Variants in CACNA1D observed in about 807,000 individuals in gnomAD.
The protein encoded by CACNA1D is calcium voltage-gated channel subunit alpha1 D.
CACNA1D carries 55 observed loss-of-function variants against 257.1 expected under a neutral mutation model. The observed-to-expected ratio is 0.21, with a 90% CI of 0.17 to 0.27. The LOEUF is 0.27. CACNA1D is among the 10% of genes least tolerant of loss of function. The pLI, the probability that CACNA1D is intolerant of heterozygous loss-of-function variation, is 1.00. For synonymous variants in CACNA1D, 980 were observed against 1,014.9 expected (o/e 0.97, Z 0.65); for missense variants, 1,876 against 2,784.0 (o/e 0.67, Z 7.34).
chr3:53,783,572 G>A (rs1177857280), intron 39 of CACNA1D, among the ~76,000 whole-genome samples: 1 of 152,204 alleles, frequency 6.6e-6, no homozygotes, highest in African/African-American at 2.4e-5. Flanking sequence ...GGCTTTGCAA[G>A]CTCCCTGCCT....
At chr3:53,561,470 C>T (rs1482842248) in intron 3 of CACNA1D, among the ~76,000 whole-genome samples, 1 of 152,156 alleles carries the variant, frequency 6.6e-6, no homozygotes, top group Non-Finnish European at 1.5e-5. Flanking sequence ...TGTCAGTGAG[C>T]ATCCTAATCA....
At chr3:53,778,776 AGAG>A (rs1242175694) in intron 37 of CACNA1D, among the ~76,000 whole-genome samples, 2 of 152,202 alleles carry the variant, frequency 1.3e-5, no homozygotes, top group Admixed American at 6.5e-5. Context: ...AGGATATAGA[AGAG>A]GAGTGGGGAG....
chr3:53,796,714 T>G (rs2095509159), intron 40 of CACNA1D, among the ~76,000 whole-genome samples: 1 of 152,234 alleles, frequency 6.6e-6, no homozygotes, highest in South Asian at 2.1e-4. Flanking sequence ...TGTCTAAAAT[T>G]TTAAGCAGCA....
intron 30 of CACNA1D, among the ~76,000 whole-genome samples, chr3:53,768,880 C>T (rs772977524): frequency 2.0e-5 from 3 of 152,318 alleles, no homozygotes; most frequent in Non-Finnish European, 2.9e-5. Flanking sequence ...GACGTGCACA[C>T]ATGTCCCTTA....
At chr3:53,602,683 T>G (rs1173844033) in intron 3 of CACNA1D, among the ~76,000 whole-genome samples, 4 of 152,242 alleles carry the variant, frequency 2.6e-5, no homozygotes, top group African/African-American at 9.6e-5. Context: ...TGGTTTTGAT[T>G]TGCATTTCTC....
chr3:53,790,606 G>A (rs2095478290), intron 40 of CACNA1D, among the ~76,000 whole-genome samples: 1 of 152,222 alleles, frequency 6.6e-6, no homozygotes, highest in Non-Finnish European at 1.5e-5. Context: ...AGGTTGTTAG[G>A]TTGAATAATT....
At chr3:53,618,281 C>G (rs910702899) in intron 3 of CACNA1D, among the ~76,000 whole-genome samples, 2 of 152,168 alleles carry the variant, frequency 1.3e-5, no homozygotes, top group Non-Finnish European at 2.9e-5. Flanking sequence ...CAGGTGCTGG[C>G]AGTGCTGCAG....
At chr3:53,521,560 T>C (rs2091576622) in intron 3 of CACNA1D, among the ~76,000 whole-genome samples, 2 of 152,264 alleles carry the variant, frequency 1.3e-5, no homozygotes, top group South Asian at 4.1e-4. Context: ...TCTCTGGACT[T>C]TCACCTTGGG....
chr3:53,769,903 G>A, intron 30 of CACNA1D, 70 bp from the exon 31 acceptor site: 1 of 1,192,246 alleles, frequency 8.4e-7, no homozygotes, highest in Non-Finnish European at 1.3e-6. Context: ...TTTAAAGGGG[G>A]AAATGCTCTC....
chr3:53,778,504 G>C (rs957762373), intron 37 of CACNA1D, among the ~76,000 whole-genome samples: 1 of 152,176 alleles, frequency 6.6e-6, no homozygotes, highest in African/African-American at 2.4e-5. Context: ...TCATCAATAT[G>C]GAAGAGAAAG....
Position 53,804,963 on chromosome 3 carries a change from C to T in CACNA1D, c.5586-20C>T. Reference sequence around the variant, plus strand: ...GAGCTTGTTACCTAGAACCTTACTGCCCTCCTCTCTGACCTCCAGGCAAAA... The same window carrying T: ...GAGCTTGTTACCTAGAACCTTACTGTCCTCCTCTCTGACCTCCAGGCAAAA... On this transcript the variant is annotated intron_variant, in intron 44 of 47. Coordinates refer to ENST00000350061, the MANE Select transcript of CACNA1D (RefSeq NM_001128840.3). 6.2e-7 allele frequency: 1 copy of T among 1,612,808 alleles called. No individual in the cohort carries two copies. The highest frequency in any genetic ancestry group is 8.5e-7 in the Non-Finnish European group (1 of 1,178,836).
In CACNA1D at chr3:53,749,311, C is replaced by A; in HGVS notation, c.3358C>A (p.Pro1120Thr). ...CGACTCGAATGGAGAGAACATCGGC[C>A]CAATCTACAACCACCGCGTGGAGAT... ...AIDSNGENIG[P>T]IYNHRVEISI... The change falls in exon 27 of 48, where the codon CCA becomes ACA. Residue 1120 changes from proline to threonine, a missense_variant. Physicochemically the swap from Pro to Thr is conservative, Grantham distance 38. This residue lies in a region of CACNA1D where 271 missense variants were observed against 425.5 expected (regional missense o/e 0.64). Transcript: ENST00000350061. 1 of 1,613,952 alleles carries A rather than the reference C, an allele frequency of 6.2e-7. No homozygotes were observed. The highest frequency in any genetic ancestry group is 1.1e-5 in the South Asian group (1 of 91,068).
At chr3:53,668,878 T>C (rs2094295229) in intron 7 of CACNA1D, among the ~76,000 whole-genome samples, 3 of 152,212 alleles carry the variant, frequency 2.0e-5, no homozygotes, top group Admixed American at 6.5e-5. Context: ...TCATGAAATA[T>C]TTTGCTTTTG....
At chr3:53,695,476 T>G (rs377311189) in intron 8 of CACNA1D, among the ~76,000 whole-genome samples, 1 of 152,108 alleles carries the variant, frequency 6.6e-6, no homozygotes, top group African/African-American at 2.4e-5. Flanking sequence ...CCTTCTTCCC[T>G]GAACAGGTGG....
intron 3 of CACNA1D, among the ~76,000 whole-genome samples, chr3:53,593,839 G>A (rs2093338711): frequency 6.6e-6 from 1 of 152,190 alleles, no homozygotes; most frequent in South Asian, 2.1e-4. Flanking sequence ...GGGAAATGTG[G>A]CCCGTGTACT....
In CACNA1D at chr3:53,800,930, A is replaced by G; in HGVS notation, c.5041-128A>G. On this transcript the variant is annotated intron_variant, in intron 41 of 47. Coordinates refer to ENST00000350061, the MANE Select transcript of CACNA1D (RefSeq NM_001128840.3). This position sits in a 1 kb window ranked among gnomAD's most constrained non-coding sequence, Gnocchi z 4.3. ...TCACCCTGATCATTGAGACACTCAG[A>G]TTGTTTTACAGGGATCCTACGGAGC... is the stretch of plus-strand genomic sequence containing the variant. The G allele has an allele frequency of 2.3e-6, 2 of 885,172 alleles. No individual in the cohort carries two copies. Among genetic ancestry groups the G allele is most frequent in the Non-Finnish European group, 1.9e-6 (1 of 534,158 alleles). The allele number at this position is 885,172 out of a possible 1,614,324, so 54.8% of individuals were successfully genotyped here.
intron 3 of CACNA1D, among the ~76,000 whole-genome samples, chr3:53,600,637 T>G (rs58594748): frequency 6.6e-6 from 1 of 152,216 alleles, no homozygotes; most frequent in South Asian, 2.1e-4. Flanking sequence ...CTTATTATAA[T>G]GTATTTCATA....
intron 21 of CACNA1D, 37 bp downstream of exon 21, chr3:53,740,376 C>T: frequency 7.4e-7 from 1 of 1,353,362 alleles, no homozygotes. Context: ...TACTCCACAG[C>T]AGCTGGAGCA....
intron 4 of CACNA1D, 103 bp from the exon 5 acceptor site, chr3:53,660,030 C>A: frequency 9.9e-7 from 1 of 1,007,406 alleles, no homozygotes; most frequent in Non-Finnish European, 1.5e-6. Flanking sequence ...TAAGCAGCAG[C>A]CACACAGAAT....
Sources: allele counts gnomAD v4.1 joint callset (sites outside exome capture counted in the v4.1 genomes callset), GRCh38; gene constraint gnomAD v4.1.1; regional missense constraint gnomAD v4.1.1; non-coding constraint Gnocchi (gnomAD v3.1); transcripts MANE v1.5; gene names NCBI Gene and HGNC (gene_info 2026-07-23, HGNC 2026-07-21).